Variants in NADSYN1 observed in about 807,000 individuals in gnomAD.
NADSYN1 encodes the protein NAD synthetase 1, also known as glutamine-dependent NAD(+) synthetase.
A neutral mutation model predicts 99.3 loss-of-function variants in NADSYN1; 80 were observed. That is an observed-to-expected ratio of 0.81 (90% CI 0.67 to 0.97). The LOEUF (loss-of-function observed/expected upper bound fraction) is 0.97, where lower values mean the gene tolerates loss of function less well. Among genes scored for constraint, NADSYN1 ranks in the 50% least tolerant of loss-of-function variants. The probability of loss-of-function intolerance (pLI) is 0.00; values close to 1 mark genes in which losing one functional copy is unlikely to be tolerated. For missense variants in NADSYN1, 859 were observed against 948.5 expected, an observed-to-expected ratio of 0.91 and a Z score of 1.24; for synonymous variants, 385 against 372.1, an observed-to-expected ratio of 1.03 and a Z score of -0.40.
chr11:71,478,258 A>G, intron 9 of NADSYN1, 137 bp from the exon 10 acceptor site: 1 of 707,262 alleles, frequency 1.4e-6, no homozygotes. Flanking sequence ...CATCTGCCCC[A>G]TCCCTGGGCC....
At position 71,474,594 on chromosome 11, in the gene NADSYN1, C is replaced by G. The variant is rs144691089; in HGVS notation, c.798+68C>G. The stretch of plus-strand genomic sequence containing the variant: ...GCAGAGACCGAGCTCCTGGCTCTCC[C>G]CTGTAAGCCGGGTGCTTAGTGAGGG... On this transcript the variant is annotated intron_variant, in intron 9 of 20. Transcript: ENST00000319023. 30 of 1,600,154 alleles carry G rather than the reference C, an allele frequency of 1.9e-5. No individual in the cohort carries two copies. The Middle Eastern group carries it at 2.2e-3, about 115-fold the overall frequency.
chr11:71,492,258 C>T (rs974326047), intron 18 of NADSYN1, among the ~76,000 whole-genome samples: 1 of 152,158 alleles, frequency 6.6e-6, no homozygotes, highest in Non-Finnish European at 1.5e-5. Flanking sequence ...GCTGGCCCTT[C>T]GTGATGAGGC....
intron 20 of NADSYN1, 149 bp from the exon 21 acceptor site, chr11:71,501,153 C>G: frequency 1.4e-6 from 1 of 694,940 alleles, no homozygotes; most frequent in South Asian, 2.3e-5. Context: ...CAGGCTTTTC[C>G]AGCACACACG....
intron 17 of NADSYN1, among the ~76,000 whole-genome samples, chr11:71,491,484 G>C (rs915344449): frequency 4.6e-5 from 7 of 152,226 alleles, no homozygotes; most frequent in Admixed American, 4.6e-4. Context: ...AGCAGGTAGA[G>C]GCCAGGGGTG....
chr11:71,499,861 C>T (rs1591138995), intron 20 of NADSYN1: 2 of 152,190 alleles, frequency 1.3e-5, no homozygotes, highest in South Asian at 4.1e-4. Flanking sequence ...CATGGCAAAA[C>T]CCCATCTCTA....
intron 14 of NADSYN1, 66 bp from the exon 15 acceptor site, chr11:71,484,246 G>A (rs536569617): frequency 8.2e-6 from 13 of 1,575,832 alleles, no homozygotes; most frequent in Admixed American, 5.2e-5. Flanking sequence ...GGGCTTCACC[G>A]CTCATGCGCA....
chr11:71,474,948 G>GA (rs1949655615), intron 9 of NADSYN1: 1 of 264,710 alleles, frequency 3.8e-6, no homozygotes, highest in Non-Finnish European at 7.6e-6. Context: ...GCGGGAGGAG[G>GA]GCTCCGTGCC....
In NADSYN1 at chr11:71,458,513, G is replaced by A. The variant is rs983878799; in HGVS notation, c.232G>A (p.Val78Ile). The change falls in exon 3 of 21, where the codon GTC (valine) becomes ATC (isoleucine). Residue 78 changes from valine (V) to isoleucine (I), a missense_variant. Val to Ile is a conservative substitution (Grantham distance 29, BLOSUM62 3). Coordinates refer to ENST00000319023, the MANE Select transcript of NADSYN1 (RefSeq NM_018161.5). ...CCTAGCGGCCCTTGTGGAGTCTCCC[G>A]TCACTCAGGACATCATCTGCGACGT... ...QVLAALVESPVTQDIICDVGM... is the reference protein window; with the variant it reads ...QVLAALVESPITQDIICDVGM... The A allele has an allele frequency of 2.4e-5, 39 of 1,612,378 alleles. No individual in the cohort carries two copies. Among genetic ancestry groups the A allele is most frequent in the Middle Eastern group, 1.6e-4 (1 of 6,082 alleles).
intron 14 of NADSYN1, 146 bp downstream of exon 14, chr11:71,483,163 A>G (rs3794066): frequency 0.91 from 848,342 of 928,830 alleles, 391,085 homozygotes; most frequent in Non-Finnish European, 0.96. Context: ...TAAGTGCTCC[A>G]TCCCTTTTTG....
chr11:71,494,613 C>T (rs998173357), intron 18 of NADSYN1, among the ~76,000 whole-genome samples: 5 of 152,092 alleles, frequency 3.3e-5, no homozygotes, highest in Non-Finnish European at 4.4e-5. Flanking sequence ...TGCAGTGGTG[C>T]GATCTCGGCT....
At chr11:71,466,516 G>A (rs1348985161) in intron 5 of NADSYN1, among the ~76,000 whole-genome samples, 3 of 152,244 alleles carry the variant, frequency 2.0e-5, no homozygotes, top group East Asian at 3.8e-4. Flanking sequence ...GACACGGGCT[G>A]CAAGATCTCC....
intron 13 of NADSYN1, 64 bp from the exon 14 acceptor site, chr11:71,482,785 G>A: frequency 1.9e-6 from 3 of 1,571,702 alleles, no homozygotes; most frequent in African/African-American, 1.3e-5. Flanking sequence ...AGACCGGGGT[G>A]GAACTATGTA....
rs375704444 is a variant in NADSYN1, at chr11:71,491,945, C to T, written c.1764+42C>T. 17 of 1,575,172 alleles carry T rather than the reference C, an allele frequency of 1.1e-5. No individual in the cohort carries two copies. The African/African-American group carries it at 1.9e-4, about 17-fold the overall frequency. On this transcript the variant is annotated intron_variant, in intron 18 of 20. Coordinates refer to ENST00000319023, the MANE Select transcript of NADSYN1 (RefSeq NM_018161.5). ...TGCCATGATGCTTCCTGCCCTCCTC[C>T]CCACCTCCTGTGTGGTGGTGCTGGC...
chr11:71,473,361 C>G lies in NADSYN1; in HGVS notation c.543C>G (p.Pro181=). The change falls in exon 7 of 21, where the codon CCC becomes CCG. Residue 181 remains proline (P), a synonymous_variant. Coordinates refer to ENST00000319023, the MANE Select transcript of NADSYN1 (RefSeq NM_018161.5). The part of the protein sequence containing the change: ...GSEICEELWT[P]HSPHIDMGLD... ...AGATCTGTGAGGAGCTCTGGACACC[C>G]CACAGGTCAGCCCCATGCCCCTGTG... The G allele has an allele frequency of 6.2e-7, 1 of 1,614,040 alleles. No individual in the cohort carries two copies. Among genetic ancestry groups the G allele is most frequent in the Non-Finnish European group, 8.5e-7 (1 of 1,179,918 alleles).
chr11:71,455,735 A>G (rs1054303898), intron 2 of NADSYN1, among the ~76,000 whole-genome samples: 5 of 152,222 alleles, frequency 3.3e-5, no homozygotes, highest in African/African-American at 1.2e-4. Flanking sequence ...ACTGTGAGCA[A>G]TACATTTCTG....
Position 71,453,400 on chromosome 11 carries a change from G to A in NADSYN1, c.85+19G>A, listed in dbSNP as rs1172940314. 6 of 1,607,918 alleles carry A rather than the reference G, an allele frequency of 3.7e-6. No individual in the cohort carries two copies. The highest frequency in any genetic ancestry group is 3.4e-5 in the Admixed American group (2 of 59,630). On this transcript the variant is annotated intron_variant, in intron 1 of 20. Transcript: ENST00000319023. ...TTAAAGAGTGAGTCTGGGGCGGCGG[G>A]GGCACCGGTTTGGGGTGGCGCACGG...
At chr11:71,465,076 G>A (rs888424091) in intron 5 of NADSYN1, among the ~76,000 whole-genome samples, 4 of 152,040 alleles carry the variant, frequency 2.6e-5, no homozygotes, top group African/African-American at 9.7e-5. Flanking sequence ...AGGTATGAAA[G>A]TATGTTACAA....
chr11:71,478,522 TG>T (rs2120463384), intron 10 of NADSYN1, 53 bp downstream of exon 10: 2 of 1,518,616 alleles, frequency 1.3e-6, no homozygotes, highest in South Asian at 2.4e-5. Flanking sequence ...ACGTGGAAAG[TG>T]GCCCCATTCG....
intron 5 of NADSYN1, 34 bp from the exon 6 acceptor site, chr11:71,472,415 C>G: frequency 6.5e-7 from 1 of 1,546,422 alleles, no homozygotes; most frequent in Non-Finnish European, 9.0e-7. Flanking sequence ...TCCTGAGATG[C>G]TCATCCTCAG....
Sources: gnomAD v4.1 joint callset for allele counts (sites outside exome capture counted in the v4.1 genomes callset) on GRCh38, gnomAD v4.1.1 for gene constraint, MANE v1.5 for transcripts, NCBI Gene and HGNC (gene_info 2026-07-23, HGNC 2026-07-21) for gene names.